The following AGBL2 variants were observed in gnomAD, a reference collection of about 807,000 sequenced individuals.
AGBL2 encodes cytosolic carboxypeptidase 2.
AGBL2 carries 87 observed loss-of-function variants against 103.0 expected under a neutral mutation model. The observed-to-expected ratio is 0.84, with a 90% confidence interval of 0.71 to 1.01. The LOEUF is 1.01. AGBL2 is among the 50% of genes least tolerant of loss of function. The pLI is 0.00. For synonymous variants in AGBL2, 335 were observed against 356.7 expected, an observed-to-expected ratio of 0.94 and a Z score of 0.69; for missense variants, 904 against 1,023.5, an observed-to-expected ratio of 0.88 and a Z score of 1.59.
rs1335418736 is a variant in AGBL2 at position 47,704,737 on chromosome 11, G to C, written c.401-9C>G. The C allele has an allele frequency of 1.2e-6, 2 of 1,610,784 alleles. No homozygotes were observed. The highest frequency in any genetic ancestry group is 1.1e-5 in the South Asian group (1 of 90,712). On this transcript the variant is annotated splice_polypyrimidine_tract_variant and intron_variant, in intron 6 of 18. Coordinates refer to ENST00000525123, the MANE Select transcript of AGBL2 (RefSeq NM_024783.4). ...ACTCAGCATATGTGAATCTGCCAAA[G>C]GGAAAGAGAGTAAGTGAACATCTTC...
At chr11:47,698,945 G>C (rs1475539436) in intron 8 of AGBL2, among the ~76,000 whole-genome samples, 1 of 141,592 alleles carries the variant, frequency 7.1e-6, no homozygotes, top group East Asian at 2.1e-4. Flanking sequence ...AAAAGAATGT[G>C]TATGACTTCA....
At chr11:47,669,940 C>G (rs927221390) in intron 14 of AGBL2, among the ~76,000 whole-genome samples, 1 of 152,232 alleles carries the variant, frequency 6.6e-6, no homozygotes, top group African/African-American at 2.4e-5. Flanking sequence ...CAAGCACATT[C>G]ATTCATTCAC....
At chr11:47,714,527 C>T (rs757216891) in intron 2 of AGBL2, 91 bp downstream of exon 2, 45 of 1,417,638 alleles carry the variant, frequency 3.2e-5, no homozygotes, top group Non-Finnish European at 4.1e-5. Flanking sequence ...CCAGAACATC[C>T]CTTCTCATCT....
intron 17 of AGBL2, among the ~76,000 whole-genome samples, chr11:47,663,982 G>A (rs534553643): frequency 6.6e-6 from 1 of 152,144 alleles, no homozygotes; most frequent in Non-Finnish European, 1.5e-5. Flanking sequence ...AGACTCCCCA[G>A]TAGCTGGAAT....
At chr11:47,689,248 G>A (rs1231773213) in intron 10 of AGBL2, among the ~76,000 whole-genome samples, 1 of 150,980 alleles carries the variant, frequency 6.6e-6, no homozygotes, top group Non-Finnish European at 1.5e-5. Context: ...TATCTACTTT[G>A]TCACTTAATA....
chr11:47,677,452 AT>A (rs907643475), intron 13 of AGBL2, 51 bp from the exon 14 acceptor site: 17 of 1,179,328 alleles, frequency 1.4e-5, no homozygotes, highest in Non-Finnish European at 1.8e-5. Context: ...TATTTTATTT[AT>A]TTATTATTAT....
At chr11:47,670,008 A>C (rs941702386) in intron 14 of AGBL2, among the ~76,000 whole-genome samples, 1 of 152,244 alleles carries the variant, frequency 6.6e-6, no homozygotes, top group Non-Finnish European at 1.5e-5. Context: ...CAGATGAACG[A>C]GGCAGAGCCT....
intron 7 of AGBL2, among the ~76,000 whole-genome samples, chr11:47,701,423 T>C (rs1336208135): frequency 6.7e-6 from 1 of 150,316 alleles, no homozygotes; most frequent in Non-Finnish European, 1.5e-5. Context: ...TGAGCCGAGA[T>C]TGTGCCATTG....
intron 9 of AGBL2, among the ~76,000 whole-genome samples, chr11:47,691,191 G>A (rs1357418397): frequency 6.6e-6 from 1 of 151,722 alleles, no homozygotes; most frequent in Non-Finnish European, 1.5e-5. Flanking sequence ...TTGAACCCAC[G>A]AGGTGTAGGT....
intron 8 of AGBL2, among the ~76,000 whole-genome samples, chr11:47,698,176 T>TC (rs1565074004): frequency 6.9e-6 from 1 of 144,798 alleles, no homozygotes; most frequent in Non-Finnish European, 1.5e-5. Context: ...TAATTTTTTT[T>TC]TTTTTTTTTT....
At chr11:47,674,762 T>A (rs745442290) in intron 14 of AGBL2, among the ~76,000 whole-genome samples, 2 of 151,802 alleles carry the variant, frequency 1.3e-5, no homozygotes, top group Non-Finnish European at 2.9e-5. Context: ...TGAGATGGAG[T>A]TTCGCTCTTG....
chr11:47,690,743 T>C lies in AGBL2; in HGVS notation c.964A>G (p.Ile322Val), dbSNP rs778439327. 10 of 1,614,100 alleles carry C rather than the reference T, an allele frequency of 6.2e-6. No individual in the cohort carries two copies. The highest frequency in any genetic ancestry group is 1.6e-4 in the Middle Eastern group (1 of 6,062). ...CTCTTGGGTTTTAGCAAGTTGACAA[T>C]GGTGAAGCGATAGGTAGCATCTTTT... The part of the protein sequence containing the change: ...TRKDATYRFT[I>V]VNLLKPKSLY... The change falls in exon 10 of 19, where the codon ATT (isoleucine) becomes GTT (valine). Residue 322 changes from isoleucine (I) to valine (V), a missense_variant. Physicochemically the swap from Ile to Val is conservative, Grantham distance 29 (BLOSUM62 3). Transcript: ENST00000525123.
chr11:47,701,267 G>C (rs7935528), intron 7 of AGBL2, among the ~76,000 whole-genome samples: 2 of 150,900 alleles, frequency 1.3e-5, no homozygotes, highest in Non-Finnish European at 3.0e-5. Flanking sequence ...TCAGGAGTTC[G>C]AGACCAGCCT....
At chr11:47,699,967 T>C (rs1327095626) in intron 7 of AGBL2, among the ~76,000 whole-genome samples, 1 of 144,760 alleles carries the variant, frequency 6.9e-6, no homozygotes, top group East Asian at 2.1e-4. Context: ...CTTTTCTTTC[T>C]TTTTTTTTGA....
chr11:47,671,289 C>T (rs1286490973), intron 14 of AGBL2, among the ~76,000 whole-genome samples: 2 of 151,900 alleles, frequency 1.3e-5, no homozygotes, highest in Non-Finnish European at 2.9e-5. Context: ...CCGAGATGGG[C>T]AGATCACTTG....
intron 14 of AGBL2, 83 bp downstream of exon 14, chr11:47,677,188 T>G: frequency 8.4e-7 from 1 of 1,184,280 alleles, no homozygotes; most frequent in Non-Finnish European, 1.1e-6. Context: ...TTGTATTTTT[T>G]GTAGAGACAA....
intron 3 of AGBL2, among the ~76,000 whole-genome samples, chr11:47,712,835 G>T (rs892201038): frequency 6.6e-6 from 1 of 151,922 alleles, no homozygotes; most frequent in Admixed American, 6.6e-5. Context: ...AGGTCAGTTC[G>T]AGACCAGCCT....
chr11:47,706,871 A>G (rs989198258), intron 4 of AGBL2, among the ~76,000 whole-genome samples: 13 of 142,186 alleles, frequency 9.1e-5, no homozygotes, highest in African/African-American at 3.5e-4. Context: ...CAACATGGTG[A>G]AACCCTGTCT....
chr11:47,705,924 AGAGGAAGAG>A lies in AGBL2; in HGVS notation c.233-16_233-8del. On this transcript the variant is annotated splice_polypyrimidine_tract_variant and splice_region_variant and intron_variant, in intron 4 of 18. Transcript: ENST00000525123. ...GAAGATAAACTGATAGGCCCTAGAA[AGAGGAAGAG>A]GAGGCACCCTTGGTGTCAGGGATCG... is the stretch of plus-strand genomic sequence containing the variant. The A allele has an allele frequency of 6.2e-7, 1 of 1,613,960 alleles. No homozygotes were observed. The highest frequency in any genetic ancestry group is 2.2e-5 in the East Asian group (1 of 44,862).
Sources: allele counts gnomAD v4.1 joint callset (sites outside exome capture counted in the v4.1 genomes callset), GRCh38; gene constraint gnomAD v4.1.1; transcripts MANE v1.5; gene names NCBI Gene and HGNC (gene_info 2026-07-23, HGNC 2026-07-21).